Variants in ENPP7 observed in about 807,000 individuals in gnomAD.
ENPP7 encodes the protein ectonucleotide pyrophosphatase/phosphodiesterase 7.
ENPP7 carries 39 observed loss-of-function variants against 33.6 expected under a neutral mutation model. The ratio of observed to expected loss-of-function variants is 1.16; its 90% CI spans 0.90 to 1.52. ENPP7 has a LOEUF of 1.52. Among genes scored for constraint, ENPP7 ranks in the 40% most tolerant of loss-of-function variants. The probability of loss-of-function intolerance (pLI) is 0.00; values close to 1 mark genes in which losing one functional copy is unlikely to be tolerated. For synonymous variants in ENPP7, 244 were observed against 274.3 expected, an observed-to-expected ratio of 0.89 and a Z score of 1.09; for missense variants, 594 against 641.0, an observed-to-expected ratio of 0.93 and a Z score of 0.79.
chr17:79,735,550 G>T lies in ENPP7; in HGVS notation c.907G>T (p.Ala303Ser). ...GAAGGTGTACGATGCCCTCAAGGACGCCCACCCCAAGCTCCACGTCTACAA... is the reference window on the plus strand; with the variant it reads ...GAAGGTGTACGATGCCCTCAAGGACTCCCACCCCAAGCTCCACGTCTACAA... ...LEKVYDALKD[A>S]HPKLHVYKKE... Residue 303 changes from alanine to serine, a missense_variant, in exon 3 of 6, where the codon GCC (alanine) becomes TCC (serine). By Grantham distance (99) the Ala-to-Ser change is moderately conservative (BLOSUM62 1). Around this residue, in one of 3 missense-constraint regions of ENPP7, gnomAD observed 504 missense variants for 512.8 expected, o/e 0.98. Transcript: ENST00000328313. This position sits in a 1 kb window ranked among gnomAD's most constrained non-coding sequence, Gnocchi z 5.5. 6.2e-7 allele frequency: 1 copy of T among 1,613,804 alleles called. No individual in the cohort carries two copies. The highest frequency in any genetic ancestry group is 1.1e-5 in the South Asian group (1 of 91,074).
intron 3 of ENPP7, among the ~76,000 whole-genome samples, chr17:79,736,439 G>A (rs2094295885): frequency 6.6e-6 from 1 of 152,230 alleles, no homozygotes; most frequent in African/African-American, 2.4e-5. Flanking sequence ...GCGGTAGGGT[G>A]TGTGCACATC....
Position 79,735,152 on chromosome 17 carries a change from C to T in ENPP7, c.509C>T (p.Thr170Met), listed in dbSNP as rs781977274. 2.4e-5 allele frequency: 39 copies of T among 1,613,080 alleles called. No individual in the cohort carries two copies. The highest frequency in any genetic ancestry group is 1.3e-4 in the African/African-American group (10 of 74,924). The change falls in exon 3 of 6, where the codon ACG becomes ATG. Residue 170 changes from threonine (T) to methionine (M), a missense_variant. Thr to Met is a moderately conservative substitution (Grantham distance 81). Transcript: ENST00000328313. The surrounding 1 kb of genome is among the most constrained non-coding windows in gnomAD (Gnocchi z 5.5). ...ATCGCACACAACTACAAAAATGAGA[C>T]GGAGTGGAGAGCGAACATCGACACA... is the stretch of plus-strand genomic sequence containing the variant. ...EGIAHNYKNE[T>M]EWRANIDTVM... is the part of the protein sequence containing the mutation.
In ENPP7 at chr17:79,731,066, C is replaced by T; in HGVS notation, c.-74C>T. On this transcript the variant is annotated 5_prime_UTR_variant, in exon 1 of 6. Transcript: ENST00000328313. ...CACGGGATGAGATCAGCCCGGGTGACCCTGGGACTTTGTCCTCCTCGGCAG... is the reference window on the plus strand; with the variant it reads ...CACGGGATGAGATCAGCCCGGGTGATCCTGGGACTTTGTCCTCCTCGGCAG... 6.8e-7 allele frequency: 1 copy of T among 1,478,868 alleles called. No individual in the cohort carries two copies. The highest frequency in any genetic ancestry group is 9.0e-7 in the Non-Finnish European group (1 of 1,105,954). 91.6% of individuals were successfully genotyped at this position (1,478,868 alleles called of 1,614,324 possible).
At chr17:79,740,909 G>T (rs1229492994) in intron 5 of ENPP7, among the ~76,000 whole-genome samples, 1 of 152,238 alleles carries the variant, frequency 6.6e-6, no homozygotes, top group Non-Finnish European at 1.5e-5. Flanking sequence ...AAGAGCTGGG[G>T]GGTCCGAAGT....
chr17:79,735,736 T>C lies in ENPP7; in HGVS notation c.1026+67T>C. On this transcript the variant is annotated intron_variant, in intron 3 of 5. Transcript: ENST00000328313. This position sits in a 1 kb window ranked among gnomAD's most constrained non-coding sequence, Gnocchi z 5.5. Reference sequence around the variant, plus strand: ...CCCAGGCTCTGGGTCTTCTTTTTTTTTTTTTGAGACCAGGGTCTTGCTCTG... The same window carrying C: ...CCCAGGCTCTGGGTCTTCTTTTTTTCTTTTTGAGACCAGGGTCTTGCTCTG... The C allele has an allele frequency of 6.9e-7, 1 of 1,445,188 alleles. No homozygotes were observed. The highest frequency in any genetic ancestry group is 9.3e-7 in the Non-Finnish European group (1 of 1,079,172). 89.5% of individuals were successfully genotyped at this position (1,445,188 alleles called of 1,614,324 possible).
rs199658107 is a variant in ENPP7, at chr17:79,733,618, G to C, written c.364G>C (p.Gly122Arg). ...TLGIQRWWDN[G>R]SVPIWITAQR... ...GGGCATCCAGAGGTGGTGGGACAAC[G>C]GCAGCGTGCCCATCTGGATCACAGC... The change falls in exon 2 of 6, where the codon GGC becomes CGC. Residue 122 changes from glycine (G) to arginine (R), a missense_variant. By Grantham distance (125) the Gly-to-Arg change is moderately radical. Coordinates refer to ENST00000328313, the MANE Select transcript of ENPP7 (RefSeq NM_178543.5). 6.2e-7 allele frequency: 1 copy of C among 1,612,936 alleles called. No individual in the cohort carries two copies. The highest frequency in any genetic ancestry group is 8.5e-7 in the Non-Finnish European group (1 of 1,179,994).
rs782040215 is a variant in ENPP7, at chr17:79,731,257, G to A, written c.118G>A (p.Gly40Ser). Residue 40 changes from glycine (G) to serine (S), a missense_variant, in exon 1 of 6, where the codon GGC becomes AGC. Around this residue, in one of 3 missense-constraint regions of ENPP7, gnomAD observed 85 missense variants for 111.3 expected, o/e 0.76. Coordinates refer to ENST00000328313, the MANE Select transcript of ENPP7 (RefSeq NM_178543.5). ...CAAGCTGCTCCTGGTGTCCTTCGAC[G>A]GCTTCCGCTGGAACTACGACCAGGA... ...QNKLLLVSFD[G>S]FRWNYDQDVD... 1.9e-5 allele frequency: 30 copies of A among 1,613,738 alleles called. No individual in the cohort carries two copies. Among genetic ancestry groups the A allele is most frequent in the African/African-American group, 8.0e-5 (6 of 75,038 alleles).
In ENPP7 at chr17:79,738,802, T is replaced by C. The variant is rs1229431600; in HGVS notation, c.*16+740T>C. The C allele has an allele frequency of 6.6e-6, 1 of 152,110 alleles. No homozygotes were observed. The highest frequency in any genetic ancestry group is 1.5e-5 in the Non-Finnish European group (1 of 68,062). The allele number at this position is 152,110 out of a possible 1,614,324, so 9.4% of individuals were successfully genotyped here. A position where few individuals can be genotyped will look rare whatever the true frequency, so the allele number is the denominator to read the frequency against. On this transcript the variant is annotated intron_variant, in intron 5 of 5. Transcript: ENST00000328313. This position sits in a 1 kb window ranked among gnomAD's most constrained non-coding sequence, Gnocchi z 6.2. ...TCCGAGGACAGTGCTCCCTTGTCTG[T>C]CTGTGCAGCCACAGCCTCCTAGGCC...
At chr17:79,741,463 T>C (rs1295731084) in intron 5 of ENPP7, among the ~76,000 whole-genome samples, 1 of 152,210 alleles carries the variant, frequency 6.6e-6, no homozygotes, top group Non-Finnish European at 1.5e-5. Flanking sequence ...ATCCGCACAC[T>C]GCCAGCCAGG....
chr17:79,741,964 G>C lies in ENPP7; in HGVS notation c.*187G>C. The C allele has an allele frequency of 1.0e-6, 1 of 985,566 alleles. No individual in the cohort carries two copies. Among genetic ancestry groups the C allele is most frequent in the Non-Finnish European group, 1.2e-6 (1 of 830,052 alleles). The allele number at this position is 985,566 out of a possible 1,614,324, so 61.1% of individuals were successfully genotyped here. On this transcript the variant is annotated 3_prime_UTR_variant, in exon 6 of 6. Transcript: ENST00000328313. ...TGTTATGGTGCTGGTAATAAGCCTCGCAGCCCAGGTCCAGAGCCCCCGGCG... is the reference window on the plus strand; with the variant it reads ...TGTTATGGTGCTGGTAATAAGCCTCCCAGCCCAGGTCCAGAGCCCCCGGCG...
chr17:79,732,268 C>T (rs1297130806), intron 1 of ENPP7, among the ~76,000 whole-genome samples: 3 of 150,276 alleles, frequency 2.0e-5, no homozygotes, highest in Non-Finnish European at 4.4e-5. Context: ...CAGAGCAAGA[C>T]CCTGTGTCAA....
chr17:79,741,452 G>T (rs1229058174), intron 5 of ENPP7, among the ~76,000 whole-genome samples: 3 of 152,180 alleles, frequency 2.0e-5, no homozygotes, highest in Non-Finnish European at 4.4e-5. Context: ...TGCCTCCTGG[G>T]ATCCGCACAC....
chr17:79,732,149 T>TATATATATATATATATATATATAC (rs1171801654), intron 1 of ENPP7, among the ~76,000 whole-genome samples: 2 of 34,132 alleles, frequency 5.9e-5, no homozygotes, highest in African/African-American at 2.0e-4. Flanking sequence ...TATATATATA[T>TATATATATATATATATATATATAC]ACACACACAT....
In ENPP7 at chr17:79,735,586, T is replaced by C; in HGVS notation, c.943T>C (p.Phe315Leu). 6.2e-7 allele frequency: 1 copy of C among 1,613,790 alleles called. No individual in the cohort carries two copies. Among genetic ancestry groups the C allele is most frequent in the African/African-American group, 1.3e-5 (1 of 75,034 alleles). Reference protein sequence around the residue: ...PKLHVYKKEAFPEAFHYANNP... With the variant: ...PKLHVYKKEALPEAFHYANNP... The stretch of plus-strand genomic sequence containing the variant: ...GCTCCACGTCTACAAGAAGGAGGCG[T>C]TCCCCGAGGCCTTCCACTACGCCAA... Residue 315 changes from phenylalanine (F) to leucine (L), a missense_variant, in exon 3 of 6, where the codon TTC (phenylalanine) becomes CTC (leucine). Physicochemically the swap from Phe to Leu is conservative, Grantham distance 22. Transcript: ENST00000328313. This position sits in a 1 kb window ranked among gnomAD's most constrained non-coding sequence, Gnocchi z 5.5.
rs150460869 is a variant in ENPP7, at chr17:79,735,568, G to A, written c.925G>A (p.Val309Ile). Residue 309 changes from valine to isoleucine, a missense_variant, in exon 3 of 6, where the codon GTC becomes ATC. Transcript: ENST00000328313. The surrounding 1 kb of genome is among the most constrained non-coding windows in gnomAD (Gnocchi z 5.5). ...CAAGGACGCCCACCCCAAGCTCCACGTCTACAAGAAGGAGGCGTTCCCCGA... is the reference window on the plus strand; with the variant it reads ...CAAGGACGCCCACCCCAAGCTCCACATCTACAAGAAGGAGGCGTTCCCCGA... ...ALKDAHPKLH[V>I]YKKEAFPEAF... 73 of 1,613,728 alleles carry A rather than the reference G, an allele frequency of 4.5e-5. No homozygotes were observed. Among genetic ancestry groups the A allele is most frequent in the Non-Finnish European group, 5.7e-5 (67 of 1,180,004 alleles).
chr17:79,734,618 C>T (rs1277171517), intron 2 of ENPP7, among the ~76,000 whole-genome samples: 2 of 152,022 alleles, frequency 1.3e-5, no homozygotes, highest in Non-Finnish European at 2.9e-5. Context: ...ACTGGGACTA[C>T]AGGCGCCCGC....
At chr17:79,734,989 G>A in intron 2 of ENPP7, 54 bp from the exon 3 acceptor site, 2 of 1,578,408 alleles carry the variant, frequency 1.3e-6, no homozygotes, top group Non-Finnish European at 8.6e-7. Context: ...ACAGGCATGA[G>A]ACAAGGGGCA....
At chr17:79,736,697 C>T (rs116745923) in intron 3 of ENPP7, among the ~76,000 whole-genome samples, 3,479 of 152,272 alleles carry the variant, frequency 0.023, 126 homozygotes, top group African/African-American at 0.079. Flanking sequence ...GAGCCGGAAG[C>T]GAAGCACAGA....
intron 1 of ENPP7, among the ~76,000 whole-genome samples, chr17:79,732,136 A>ATATATATACACACACATATATATATATG (rs2094287319): frequency 2.1e-5 from 1 of 47,024 alleles, no homozygotes; most frequent in South Asian, 7.2e-4. Flanking sequence ...ATATATGTAT[A>ATATATATACACACACATATATATATATG]TATATATATA....
Sources: allele counts gnomAD v4.1 joint callset (sites outside exome capture counted in the v4.1 genomes callset), GRCh38; gene constraint gnomAD v4.1.1; regional missense constraint gnomAD v4.1.1; non-coding constraint Gnocchi (gnomAD v3.1); transcripts MANE v1.5; gene names NCBI Gene and HGNC (gene_info 2026-07-23, HGNC 2026-07-21).